Variants in COL6A1 observed in about 807,000 individuals in gnomAD.
COL6A1 encodes the protein collagen alpha-1(VI) chain.
In COL6A1, 80 loss-of-function variants were observed where a neutral mutation model predicts 145.6. The observed-to-expected ratio is 0.55, with a 90% CI of 0.46 to 0.66. The LOEUF (loss-of-function observed/expected upper bound fraction) is 0.66, where lower values mean the gene tolerates loss of function less well. Among genes scored for constraint, COL6A1 ranks in the 30% least tolerant of loss-of-function variants. The probability of loss-of-function intolerance (pLI) is 0.00; values close to 1 mark genes in which losing one functional copy is unlikely to be tolerated. For missense variants in COL6A1, 1,364 were observed against 1,473.8 expected (o/e 0.93, Z 1.22); for synonymous variants, 638 against 622.8 (o/e 1.02, Z -0.36).
At chr21:45,991,983 G>C (rs201750127) in intron 15 of COL6A1, 27 bp from the exon 16 acceptor site, 1 of 1,560,956 alleles carries the variant, frequency 6.4e-7, no homozygotes, top group Admixed American at 1.9e-5. Flanking sequence ...CCCTGCCAGC[G>C]TGTGTGACTC....
chr21:46,004,355 C>A lies in COL6A1; in HGVS notation c.*342C>A, dbSNP rs535734212. On this transcript the variant is annotated 3_prime_UTR_variant, in exon 35 of 35. Transcript: ENST00000361866. ...CTGGCCTCACCTGGGTTCCCCACCC[C>A]GGGCTCTCCTGCCCTGCCCTCCTGC... is the stretch of plus-strand genomic sequence containing the variant. 4.1e-5 allele frequency: 17 copies of A among 418,444 alleles called. No individual in the cohort carries two copies. In the East Asian group the frequency reaches 7.9e-4, roughly 19 times the overall value. The allele number at this position is 418,444 out of a possible 1,614,324, so 25.9% of individuals were successfully genotyped here.
rs547422436 is a variant in COL6A1 at position 45,994,410 on chromosome 21, G to A, written c.1398+181G>A. On this transcript the variant is annotated intron_variant, in intron 20 of 34. Transcript: ENST00000361866. This position sits in a 1 kb window ranked among gnomAD's most constrained non-coding sequence, Gnocchi z 6.8. ...CAGGGGGTGAGGCGCGGCCTGGGCC[G>A]GGCTGGTGTGGATTGTTGAGAGCAG... Among the ~76,000 whole-genome samples the A allele has an allele frequency of 1.1e-4, 16 of 152,234 alleles. No homozygotes were observed. Among genetic ancestry groups the A allele is most frequent in the Middle Eastern group, 6.8e-3 (2 of 294 alleles).
intron 30 of COL6A1, 63 bp downstream of exon 30, chr21:46,001,449 C>T: frequency 6.3e-7 from 1 of 1,593,786 alleles, no homozygotes; most frequent in Middle Eastern, 1.7e-4. Flanking sequence ...CCGGCCGCCC[C>T]TGCCCGCGCC....
Position 46,003,511 on chromosome 21 carries a change from C to T in COL6A1, c.2585C>T (p.Ala862Val), listed in dbSNP as rs766944483. The change falls in exon 35 of 35, where the codon GCG becomes GTG. Residue 862 changes from alanine to valine, a missense_variant. Ala to Val is a moderately conservative substitution (Grantham distance 64, BLOSUM62 0). Around this residue, in one of 3 missense-constraint regions of COL6A1, gnomAD observed 938 missense variants for 1,003.8 expected, o/e 0.93. Coordinates refer to ENST00000361866, the MANE Select transcript of COL6A1 (RefSeq NM_001848.3). ...CGCCTGGCCGAGCGCTTCCTCACAG[C>T]GGGCAGGACGGACCCCGCCCACGAC... ...AKRLAERFLT[A>V]GRTDPAHDVR... 22 of 1,611,304 alleles carry T rather than the reference C, an allele frequency of 1.4e-5. No individual in the cohort carries two copies. In the East Asian group the frequency reaches 1.6e-4, roughly 11 times the overall value.
chr21:45,982,528 C>T (rs1223955798), intron 1 of COL6A1, 106 bp from the exon 2 acceptor site: 3 of 1,540,548 alleles, frequency 1.9e-6, no homozygotes, highest in African/African-American at 2.7e-5. Context: ...TCTCCGGGCC[C>T]GGGGCTCTGT....
At chr21:45,987,769 GGT>G (rs2077748545) in intron 8 of COL6A1, 115 bp downstream of exon 8, 10 of 998,578 alleles carry the variant, frequency 1.0e-5, no homozygotes, top group South Asian at 1.7e-5. Context: ...GGACGGCGGG[GGT>G]CCAGATGGAG....
chr21:45,984,226 C>T (rs1476218406), intron 2 of COL6A1, 43 bp from the exon 3 acceptor site: 1 of 1,561,072 alleles, frequency 6.4e-7, no homozygotes, highest in Admixed American at 1.9e-5. Context: ...GCGATGGCGC[C>T]AGGGGCCGCC....
At chr21:45,989,264 G>T (rs2077760212) in intron 9 of COL6A1, 127 bp downstream of exon 9, 1 of 1,068,912 alleles carries the variant, frequency 9.4e-7, no homozygotes. Flanking sequence ...CCTTGTGGGT[G>T]GGAGCAGACC....
At chr21:45,987,790 GGGGGTCCAGA>G in intron 8 of COL6A1, 136 bp downstream of exon 8, 5 of 214,752 alleles carry the variant, frequency 2.3e-5, no homozygotes, top group African/African-American at 1.7e-4. Context: ...AGGGGACGGC[GGGGGTCCAGA>G]TGGAGGGGAC....
At chr21:45,988,967 T>C in intron 8 of COL6A1, 117 bp from the exon 9 acceptor site, 1 of 1,247,434 alleles carries the variant, frequency 8.0e-7, no homozygotes, top group Non-Finnish European at 1.1e-6. Context: ...GGGAAGGTGC[T>C]TTAAAGCCCT....
chr21:45,992,288 T>A (rs1466461414), intron 17 of COL6A1, 71 bp downstream of exon 17: 1 of 1,613,178 alleles, frequency 6.2e-7, no homozygotes, highest in Non-Finnish European at 8.5e-7. Context: ...TTGCTCGGGG[T>A]CTACTCCACG....
intron 33 of COL6A1, 147 bp from the exon 34 acceptor site, chr21:46,002,973 C>G: frequency 8.2e-7 from 1 of 1,225,452 alleles, no homozygotes; most frequent in East Asian, 2.5e-5. Flanking sequence ...CCGCCTGGGG[C>G]TGTCCCACAG....
chr21:45,998,568 C>A, intron 24 of COL6A1, 135 bp downstream of exon 24: 1 of 1,232,038 alleles, frequency 8.1e-7, no homozygotes, highest in Non-Finnish European at 1.2e-6. Context: ...CACGGCTGCC[C>A]CACTGTCTGT....
rs754988212 is a variant in COL6A1, at chr21:45,981,946, G to A, written c.96G>A (p.Gln32=). Residue 32 remains glutamine, a splice_region_variant and synonymous_variant, in exon 1 of 35, where the codon CAG becomes CAA. Transcript: ENST00000361866. ...AGACCCCGAGGGCCGTGGCCTTCCAGGGTGAGTGGTGGCTTGGGGTGCAGG... is the reference window on the plus strand; with the variant it reads ...AGACCCCGAGGGCCGTGGCCTTCCAAGGTGAGTGGTGGCTTGGGGTGCAGG... The part of the protein sequence containing the change: ...EPETPRAVAF[Q]DCPVDLFFVL... 1.6e-5 allele frequency: 26 copies of A among 1,605,216 alleles called. No individual in the cohort carries two copies. In the Middle Eastern group the frequency reaches 7.4e-4, roughly 46 times the overall value.
chr21:46,001,073 CG>C, intron 29 of COL6A1, 179 bp from the exon 30 acceptor site: 1 of 905,114 alleles, frequency 1.1e-6, no homozygotes, highest in Non-Finnish European at 1.7e-6. Flanking sequence ...GACCAGCCGC[CG>C]GACAGAGCAG....
intron 11 of COL6A1, among the ~76,000 whole-genome samples, chr21:45,990,008 CGGGCGGTT>C (rs2077764904): frequency 2.0e-4 from 2 of 9,942 alleles, no homozygotes; most frequent in Middle Eastern, 0.071. Context: ...AGGGGTCCCC[CGGGCGGTT>C]ACCCTCTGCG....
intron 22 of COL6A1, 140 bp from the exon 23 acceptor site, chr21:45,997,981 G>A: frequency 8.3e-7 from 1 of 1,199,272 alleles, no homozygotes; most frequent in Non-Finnish European, 1.2e-6. Flanking sequence ...ACGGGGACCA[G>A]CAGGGTGGCC....
In COL6A1 at chr21:46,003,547, C is replaced by T. The variant is rs1428047738; in HGVS notation, c.2621C>T (p.Ala874Val). 3.1e-6 allele frequency: 5 copies of T among 1,612,162 alleles called. No homozygotes were observed. The highest frequency in any genetic ancestry group is 4.2e-6 in the Non-Finnish European group (5 of 1,179,538). Reference protein sequence around the residue: ...RTDPAHDVRVAVVQYSGTGQQ... With the variant: ...RTDPAHDVRVVVVQYSGTGQQ... The stretch of plus-strand genomic sequence containing the variant: ...GACCCCGCCCACGACGTGCGGGTGG[C>T]GGTGGTGCAGTACAGCGGCACGGGC... Residue 874 changes from alanine (A) to valine (V), a missense_variant, in exon 35 of 35, where the codon GCG (alanine) becomes GTG (valine). Around this residue, in one of 3 missense-constraint regions of COL6A1, gnomAD observed 938 missense variants for 1,003.8 expected, o/e 0.93. Transcript: ENST00000361866.
At position 45,986,571 on chromosome 21, in the gene COL6A1, C is replaced by T. The variant is rs773280332; in HGVS notation, c.474C>T (p.Asp158=). 4.3e-5 allele frequency: 68 copies of T among 1,565,486 alleles called. No homozygotes were observed. The highest frequency in any genetic ancestry group is 1.7e-4 in the Middle Eastern group (1 of 6,036). Residue 158 remains aspartate (D), a synonymous_variant, in exon 4 of 35, where the codon GAC becomes GAT. Coordinates refer to ENST00000361866, the MANE Select transcript of COL6A1 (RefSeq NM_001848.3). The part of the protein sequence containing the change: ...KENKYLIVVT[D]GHPLEGYKEP... ...ATAAGTACCTGATTGTGGTGACCGA[C>T]GGGCACCCCCTGGAGGGCTACAAGG... is the stretch of plus-strand genomic sequence containing the variant.
Sources: allele counts gnomAD v4.1 joint callset (sites outside exome capture counted in the v4.1 genomes callset), GRCh38; gene constraint gnomAD v4.1.1; regional missense constraint gnomAD v4.1.1; non-coding constraint Gnocchi (gnomAD v3.1); transcripts MANE v1.5; gene names NCBI Gene and HGNC (gene_info 2026-07-23, HGNC 2026-07-21).